RANBP2: variants seen among roughly 807,000 people sequenced by gnomAD.
The protein encoded by RANBP2 is RAN binding protein 2, also known as E3 SUMO-protein ligase RanBP2.
RANBP2 carries 57 observed loss-of-function variants against 303.6 expected under a neutral mutation model. The ratio of observed to expected loss-of-function variants is 0.19; its 90% CI spans 0.15 to 0.23. The LOEUF (loss-of-function observed/expected upper bound fraction) is 0.23. RANBP2 is among the 10% of genes least tolerant of loss of function. RANBP2 has a pLI of 1.00. For missense variants in RANBP2, 3,138 were observed against 3,780.8 expected (o/e 0.83, Z 4.46); for synonymous variants, 1,167 against 1,301.5 (o/e 0.90, Z 2.23).
chr2:108,864,737 T>G, the RANBP2 span, among the ~76,000 whole-genome samples: 1 of 146,282 alleles, frequency 6.8e-6, no homozygotes. Flanking sequence ...GAGGTTGCAG[T>G]GAGTTGAGAG....
the RANBP2 span, among the ~76,000 whole-genome samples, chr2:108,846,477 G>A: frequency 3.3e-5 from 5 of 150,758 alleles, no homozygotes; most frequent in Non-Finnish European, 4.4e-5. Context: ...CCAAGAGTTC[G>A]AGACCAGCCT....
At chr2:109,262,464 A>G in the RANBP2 span, among the ~76,000 whole-genome samples, 8 of 152,216 alleles carry the variant, frequency 5.3e-5, no homozygotes, top group Admixed American at 3.3e-4. Flanking sequence ...AAGAGCCCAT[A>G]GGACAGTGTC....
chr2:108,955,753 G>A, the RANBP2 span, among the ~76,000 whole-genome samples: 4 of 152,116 alleles, frequency 2.6e-5, no homozygotes, highest in East Asian at 5.8e-4. Context: ...GAGGTAGGGC[G>A]CGGTGGCTCA....
the RANBP2 span, chr2:109,544,712 A>G: frequency 1.2e-6 from 1 of 847,156 alleles, no homozygotes; most frequent in Non-Finnish European, 1.4e-6. Flanking sequence ...GTTGAAAAGC[A>G]GTAATAAATT....
chr2:109,353,402 A>C, the RANBP2 span, among the ~76,000 whole-genome samples: 1 of 152,194 alleles, frequency 6.6e-6, no homozygotes, highest in Non-Finnish European at 1.5e-5. Context: ...GGAGCACCCC[A>C]CACTGAGACT....
chr2:109,347,795 A>G, the RANBP2 span: 1 of 1,613,968 alleles, frequency 6.2e-7, no homozygotes, highest in East Asian at 2.2e-5. Context: ...GAACAGTGGT[A>G]CCACGGCGAG....
the RANBP2 span, among the ~76,000 whole-genome samples, chr2:109,713,501 C>G: frequency 6.6e-6 from 1 of 152,206 alleles, no homozygotes; most frequent in Non-Finnish European, 1.5e-5. Context: ...CCTCTCAGCG[C>G]TCCAGCTTCT....
the RANBP2 span, among the ~76,000 whole-genome samples, chr2:109,086,717 T>C: frequency 6.6e-6 from 1 of 152,142 alleles, no homozygotes; most frequent in East Asian, 1.9e-4. Context: ...AGCAGCAAGG[T>C]CCTGTCACCA....
At chr2:109,658,263 TG>T in the RANBP2 span, among the ~76,000 whole-genome samples, 1 of 151,430 alleles carries the variant, frequency 6.6e-6, no homozygotes, top group East Asian at 2.0e-4. Context: ...CTGGCCAAGA[TG>T]GTGAAACCCT....
the RANBP2 span, among the ~76,000 whole-genome samples, chr2:109,688,130 C>G: frequency 1.3e-5 from 2 of 152,080 alleles, no homozygotes; most frequent in Non-Finnish European, 2.9e-5. Flanking sequence ...GTGGCTGTGA[C>G]CTGTCTTGTT....
the RANBP2 span, among the ~76,000 whole-genome samples, chr2:109,627,824 G>T: frequency 6.6e-6 from 1 of 152,156 alleles, no homozygotes; most frequent in African/African-American, 2.4e-5. Flanking sequence ...GCTTATAGTT[G>T]TAAATAGACG....
At chr2:108,954,185 T>C in the RANBP2 span, among the ~76,000 whole-genome samples, 1 of 152,170 alleles carries the variant, frequency 6.6e-6, no homozygotes, top group Non-Finnish European at 1.5e-5. Context: ...ATAGCATAGA[T>C]GGCATTTCCA....
chr2:109,078,471 A>G, the RANBP2 span, among the ~76,000 whole-genome samples: 2 of 148,812 alleles, frequency 1.3e-5, no homozygotes, highest in African/African-American at 4.9e-5. Flanking sequence ...ACATAGAAGC[A>G]GAGAGTAGAA....
chr2:109,449,126 C>A, the RANBP2 span: 1 of 1,586,970 alleles, frequency 6.3e-7, no homozygotes, highest in Non-Finnish European at 8.6e-7. Flanking sequence ...TGGCAAGTTG[C>A]AAACTAACCT....
At chr2:109,040,768 AAGAT>A in the RANBP2 span, among the ~76,000 whole-genome samples, 5 of 152,172 alleles carry the variant, frequency 3.3e-5, no homozygotes, top group African/African-American at 1.2e-4. Flanking sequence ...AATCTTCTAA[AAGAT>A]AGGCCAGGCG....
chr2:109,353,993 C>T, the RANBP2 span, among the ~76,000 whole-genome samples: 1 of 152,176 alleles, frequency 6.6e-6, no homozygotes, highest in African/African-American at 2.4e-5. Flanking sequence ...CCCCCGAAGT[C>T]TCAGTGACAG....
the RANBP2 span, among the ~76,000 whole-genome samples, chr2:108,797,324 G>C: frequency 6.6e-6 from 1 of 152,148 alleles, no homozygotes. Flanking sequence ...AACCAATGAA[G>C]GAGAGCATTT....
the RANBP2 span, among the ~76,000 whole-genome samples, chr2:109,145,669 A>G: frequency 6.6e-6 from 1 of 152,148 alleles, no homozygotes; most frequent in Admixed American, 6.5e-5. Flanking sequence ...CTTTTCTAGA[A>G]TTTATCTTCT....
the RANBP2 span, among the ~76,000 whole-genome samples, chr2:109,743,419 C>A: frequency 6.8e-6 from 1 of 146,816 alleles, no homozygotes; most frequent in Admixed American, 6.9e-5. Flanking sequence ...GTTTGGCTGA[C>A]TTTTTAGGTA....
Sources: gnomAD v4.1 joint callset for allele counts (sites outside exome capture counted in the v4.1 genomes callset) on GRCh38, gnomAD v4.1.1 for gene constraint, MANE v1.5 for transcripts, NCBI Gene and HGNC (gene_info 2026-07-23, HGNC 2026-07-21) for gene names.